EYS: variants seen among roughly 807,000 people sequenced by gnomAD.
The protein encoded by EYS is protein eyes shut homolog.
In EYS, 250 loss-of-function variants were observed where a neutral mutation model predicts 282.1. That is an observed-to-expected ratio of 0.89 (90% confidence interval 0.80 to 0.98). The LOEUF is 0.98. Ranked by LOEUF, EYS falls within the 50% of genes least tolerant of loss-of-function variation. EYS has a pLI of 0.00. For missense variants in EYS, 4,016 were observed against 3,709.0 expected (o/e 1.08, Z -2.15); for synonymous variants, 1,355 against 1,282.9 (o/e 1.06, Z -1.20).
chr6:64,980,454 A>G (rs1483316398), intron 14 of EYS, among the ~76,000 whole-genome samples: 10 of 151,466 alleles, frequency 6.6e-5, no homozygotes, highest in African/African-American at 2.4e-4. Context: ...ATGTCTTTAT[A>G]TGCTGTATAT....
intron 12 of EYS, among the ~76,000 whole-genome samples, chr6:65,061,886 A>T (rs1773584709): frequency 6.6e-6 from 1 of 151,928 alleles, no homozygotes; most frequent in Non-Finnish European, 1.5e-5. Flanking sequence ...TATCTCAAAC[A>T]TTCTATGCTT....
intron 22 of EYS, among the ~76,000 whole-genome samples, chr6:64,644,725 A>ATATTTT (rs1178990640): frequency 1.3e-5 from 2 of 152,188 alleles, no homozygotes; most frequent in African/African-American, 4.8e-5. Flanking sequence ...AGCCTACCTG[A>ATATTTT]ATTGATATAA....
chr6:64,896,624 G>T (rs1051300787), intron 18 of EYS, among the ~76,000 whole-genome samples: 2 of 151,848 alleles, frequency 1.3e-5, no homozygotes, highest in African/African-American at 4.8e-5. Flanking sequence ...ATGGAAAGGG[G>T]TCTGAAGCCA....
At chr6:65,033,079 A>T (rs1441011933) in intron 13 of EYS, among the ~76,000 whole-genome samples, 1 of 152,190 alleles carries the variant, frequency 6.6e-6, no homozygotes, top group Non-Finnish European at 1.5e-5. Flanking sequence ...TATGAAATCA[A>T]GAGTGATAAT....
At chr6:64,568,655 T>G (rs1404721059) in intron 26 of EYS, among the ~76,000 whole-genome samples, 1 of 152,124 alleles carries the variant, frequency 6.6e-6, no homozygotes, top group African/African-American at 2.4e-5. Context: ...CCTGCTCAAG[T>G]GGGTCCCTGA....
At chr6:64,616,736 T>C (rs1053139051) in intron 24 of EYS, among the ~76,000 whole-genome samples, 39 of 152,270 alleles carry the variant, frequency 2.6e-4, no homozygotes, top group African/African-American at 8.9e-4. Context: ...GCACTGACTC[T>C]AGTCACCTGA....
intron 12 of EYS, among the ~76,000 whole-genome samples, chr6:65,146,227 T>C (rs1275286294): frequency 6.6e-6 from 1 of 150,578 alleles, no homozygotes; most frequent in African/African-American, 2.4e-5. Flanking sequence ...GTTTAGCTTA[T>C]TTGTAAGAAA....
chr6:64,714,221 A>C (rs1179133354), intron 22 of EYS, among the ~76,000 whole-genome samples: 1 of 152,198 alleles, frequency 6.6e-6, no homozygotes, highest in Non-Finnish European at 1.5e-5. Flanking sequence ...GAGGGAGTAC[A>C]CAAAGAAAAC....
chr6:64,654,154 A>G (rs1443168070), intron 22 of EYS, among the ~76,000 whole-genome samples: 1 of 152,164 alleles, frequency 6.6e-6, no homozygotes, highest in Non-Finnish European at 1.5e-5. Context: ...ATTATTGGAA[A>G]CAGCAGTTTT....
intron 5 of EYS, among the ~76,000 whole-genome samples, chr6:65,414,924 C>A (rs1767172246): frequency 6.6e-6 from 1 of 151,820 alleles, no homozygotes; most frequent in Non-Finnish European, 1.5e-5. Flanking sequence ...ATAGAATGTG[C>A]ACTTCAGTGT....
At chr6:64,612,534 T>C (rs913235688) in intron 24 of EYS, among the ~76,000 whole-genome samples, 3 of 152,124 alleles carry the variant, frequency 2.0e-5, no homozygotes, top group African/African-American at 7.2e-5. Context: ...ACTTTAATCT[T>C]GTTTGGAATC....
intron 41 of EYS, 24 bp downstream of exon 41, chr6:63,762,437 A>G (rs1422231799): frequency 7.1e-6 from 11 of 1,545,694 alleles, no homozygotes; most frequent in Non-Finnish European, 9.6e-6. Context: ...GTGGACAGCA[A>G]AATGATTTGA....
At chr6:65,336,475 T>G (rs1382630592) in intron 10 of EYS, among the ~76,000 whole-genome samples, 1 of 151,676 alleles carries the variant, frequency 6.6e-6, no homozygotes, top group African/African-American at 2.4e-5. Flanking sequence ...GTATTGAATA[T>G]ATGTACATTT....
intron 31 of EYS, among the ~76,000 whole-genome samples, chr6:64,193,179 T>C (rs1765169419): frequency 6.6e-6 from 1 of 152,216 alleles, no homozygotes; most frequent in African/African-American, 2.4e-5. Context: ...GTAATTTTGA[T>C]TGGAATTGAA....
rs142079977 is a variant in EYS at position 63,911,060 on chromosome 6, A to G, written c.7056-46702T>C. 3.8e-3 allele frequency among the ~76,000 whole-genome samples: 585 copies of G among 152,180 alleles called. 3 individuals carry two copies. The highest frequency in any genetic ancestry group is 0.013 in the African/African-American group (549 of 41,536). On this transcript the variant is annotated intron_variant, in intron 35 of 42. Transcript: ENST00000503581. Reference sequence around the variant, plus strand: ...ACATTTGGTTTGAACTTGGCTGTTCACAGATTATGATATTGCTTAGCAAAG... The same window carrying G: ...ACATTTGGTTTGAACTTGGCTGTTCGCAGATTATGATATTGCTTAGCAAAG...
At chr6:65,416,681 A>G (rs1767252470) in intron 5 of EYS, among the ~76,000 whole-genome samples, 1 of 151,990 alleles carries the variant, frequency 6.6e-6, no homozygotes, top group African/African-American at 2.4e-5. Flanking sequence ...GAAGTGTCAA[A>G]AATTTCCGAA....
At chr6:64,432,548 A>AAT (rs1380598338) in intron 28 of EYS, among the ~76,000 whole-genome samples, 1 of 150,714 alleles carries the variant, frequency 6.6e-6, no homozygotes, top group Non-Finnish European at 1.5e-5. Flanking sequence ...ATTATAATGT[A>AAT]ATATATATTA....
intron 2 of EYS, among the ~76,000 whole-genome samples, chr6:65,515,442 T>C (rs1469088342): frequency 6.6e-6 from 1 of 151,886 alleles, no homozygotes; most frequent in Non-Finnish European, 1.5e-5. Flanking sequence ...CATTACTGGG[T>C]ATATACCCAA....
chr6:64,440,633 T>A (rs1037708178), intron 26 of EYS, among the ~76,000 whole-genome samples: 1 of 152,116 alleles, frequency 6.6e-6, no homozygotes, highest in Non-Finnish European at 1.5e-5. Context: ...TCAATGGTGA[T>A]GTTAAAAGCA....
Sources: gnomAD v4.1 joint callset for allele counts (sites outside exome capture counted in the v4.1 genomes callset) on GRCh38, gnomAD v4.1.1 for gene constraint, MANE v1.5 for transcripts, NCBI Gene and HGNC (gene_info 2026-07-23, HGNC 2026-07-21) for gene names.